Variants in SP140 observed in about 807,000 individuals in gnomAD.
The protein encoded by SP140 is nuclear body protein SP140.
SP140 carries 81 observed loss-of-function variants against 125.0 expected under a neutral mutation model. That is an observed-to-expected ratio of 0.65 (90% CI 0.54 to 0.78). The LOEUF is 0.78. Among genes scored for constraint, SP140 ranks in the 30% least tolerant of loss-of-function variants. The pLI, the probability that SP140 is intolerant of heterozygous loss-of-function variation, is 0.00. For synonymous variants in SP140, 312 were observed against 354.0 expected, an observed-to-expected ratio of 0.88 and a Z score of 1.33; for missense variants, 858 against 1,037.0, an observed-to-expected ratio of 0.83 and a Z score of 2.37.
rs190471933 is a variant in SP140, at chr2:230,285,257, C to T, written c.1565-495C>T. On this transcript the variant is annotated intron_variant, in intron 16 of 26. Coordinates refer to ENST00000392045, the MANE Select transcript of SP140 (RefSeq NM_007237.5). ...GTCTGAGGACTTCCATTCTTCTAGA[C>T]GATGAAGGCTAAGTCTCATTTTCTA... Among the ~76,000 whole-genome samples the T allele has an allele frequency of 4.5e-3, 682 of 152,236 alleles. 9 individuals carry two copies. Among genetic ancestry groups the T allele is most frequent in the African/African-American group, 0.016 (646 of 41,544 alleles).
rs2049378770 is a variant in SP140, at chr2:230,245,929, A to G, written c.731A>G (p.Tyr244Cys). The change falls in exon 7 of 27, where the codon TAT (tyrosine) becomes TGT (cysteine). Residue 244 changes from tyrosine to cysteine, a missense_variant. Physicochemically the swap from Tyr to Cys is radical, Grantham distance 194. Transcript: ENST00000392045. ...ESEEMPKLLP[Y>C]DTEVLESNGM... ...GAAGAAATGCCCAAGTTACTGCCTT[A>G]TGATACAGAAGGTAATTAGGATTTA... The G allele has an allele frequency of 6.3e-7, 1 of 1,588,000 alleles. No homozygotes were observed. Among genetic ancestry groups the G allele is most frequent in the Non-Finnish European group, 8.6e-7 (1 of 1,156,218 alleles).
chr2:230,299,499 G>T (rs2058086521), intron 22 of SP140, among the ~76,000 whole-genome samples: 1 of 152,222 alleles, frequency 6.6e-6, no homozygotes, highest in East Asian at 1.9e-4. Context: ...AGTCCTTGGG[G>T]AGGGCAGCCA....
intron 18 of SP140, among the ~76,000 whole-genome samples, chr2:230,289,664 G>A (rs970215988): frequency 1.3e-5 from 2 of 152,128 alleles, no homozygotes; most frequent in Admixed American, 6.5e-5. Flanking sequence ...TGGTAGAGAT[G>A]GAGTTTCGCC....
the SP140 span, among the ~76,000 whole-genome samples, chr2:230,192,321 A>G: frequency 2.6e-5 from 4 of 152,218 alleles, no homozygotes; most frequent in Non-Finnish European, 4.4e-5. Context: ...AGCGTATTCA[A>G]ATAGGAAGAG....
In SP140 at chr2:230,284,764, T is replaced by C. The variant is rs927854295; in HGVS notation, c.1564+353T>C. On this transcript the variant is annotated intron_variant, in intron 16 of 26. Coordinates refer to ENST00000392045, the MANE Select transcript of SP140 (RefSeq NM_007237.5). The stretch of plus-strand genomic sequence containing the variant: ...ATGTGTGCACAATAGTAAACATACA[T>C]ATATGTATAACCATATTTTATGTGA... Among the ~76,000 whole-genome samples the C allele has an allele frequency of 2.6e-5, 4 of 152,342 alleles. No homozygotes were observed. In the Middle Eastern group the frequency reaches 0.014, roughly 518 times the overall value.
At chr2:230,213,133 A>G in intron 1 of SP140, 1 of 1,092,424 alleles carries the variant, frequency 9.2e-7, no homozygotes, top group South Asian at 1.3e-5. Flanking sequence ...GCATGGAGCT[A>G]TTCATTGTCC....
chr2:230,230,402 A>G (rs1306561158), intron 1 of SP140: 1 of 152,176 alleles, frequency 6.6e-6, no homozygotes, highest in Non-Finnish European at 1.5e-5. Context: ...GAAGTTATCT[A>G]TAGGAGCAAT....
chr2:230,202,418 G>C (rs2043273022), upstream of SP140, among the ~76,000 whole-genome samples: 1 of 152,184 alleles, frequency 6.6e-6, no homozygotes, highest in South Asian at 2.1e-4. Context: ...AGATGCAACA[G>C]ATGCTTGCTC....
At chr2:230,288,509 C>CTTTCTTTCTTTT (rs879630777) in intron 18 of SP140, among the ~76,000 whole-genome samples, 326 of 116,116 alleles carry the variant, frequency 2.8e-3, no homozygotes, top group African/African-American at 9.8e-3. Context: ...TTCTTTCTTT[C>CTTTCTTTCTTTT]TTTCTTTCTT....
intron 3 of SP140, chr2:230,214,216 T>C (rs1010315007): frequency 1.3e-5 from 2 of 152,342 alleles, no homozygotes; most frequent in Non-Finnish European, 2.9e-5. Context: ...TCTCTTTTCT[T>C]TCTCTACGTA....
chr2:230,286,389 C>T (rs1385785723), intron 17 of SP140, among the ~76,000 whole-genome samples: 1 of 152,204 alleles, frequency 6.6e-6, no homozygotes, highest in Non-Finnish European at 1.5e-5. Context: ...TCAGTGTCTT[C>T]TCTTATTCTG....
At chr2:230,281,514 A>T (rs2055546166) in intron 15 of SP140, among the ~76,000 whole-genome samples, 1 of 152,218 alleles carries the variant, frequency 6.6e-6, no homozygotes, top group South Asian at 2.1e-4. Context: ...TCTTATCAAG[A>T]TACAGAACAT....
chr2:230,298,178 A>G (rs971406864), intron 22 of SP140, among the ~76,000 whole-genome samples: 7 of 152,196 alleles, frequency 4.6e-5, no homozygotes, highest in Non-Finnish European at 2.9e-5. Flanking sequence ...TCTGCTTGCT[A>G]TATGACTGCC....
intron 1 of SP140, chr2:230,212,920 G>C: frequency 6.2e-7 from 1 of 1,614,064 alleles, no homozygotes; most frequent in Non-Finnish European, 8.5e-7. Flanking sequence ...GGGGGTTGTG[G>C]TGGGGGCAGC....
intron 1 of SP140, among the ~76,000 whole-genome samples, chr2:230,226,762 C>CAAAAATAAAAAA (rs2046450270): frequency 1.1e-5 from 1 of 94,264 alleles, no homozygotes; most frequent in Non-Finnish European, 2.1e-5. Context: ...AATTCCATCT[C>CAAAAATAAAAAA]AAAAAAAAAA....
chr2:230,235,404 T>C (rs1192251059), intron 1 of SP140, among the ~76,000 whole-genome samples: 2 of 152,218 alleles, frequency 1.3e-5, no homozygotes, highest in East Asian at 3.8e-4. Flanking sequence ...TTTAATTCCT[T>C]TACTGTCATT....
chr2:230,284,278 G>A, intron 15 of SP140, 68 bp from the exon 16 acceptor site: 1 of 1,417,458 alleles, frequency 7.1e-7, no homozygotes, highest in Non-Finnish European at 9.6e-7. Flanking sequence ...TAATACTATT[G>A]GCATATAAAA....
intron 15 of SP140, among the ~76,000 whole-genome samples, chr2:230,276,342 C>T (rs1010652074): frequency 1.1e-4 from 17 of 151,976 alleles, no homozygotes; most frequent in Non-Finnish European, 1.8e-4. Flanking sequence ...ATCCTAGGGC[C>T]CTTAAGAATT....
intron 12 of SP140, among the ~76,000 whole-genome samples, chr2:230,268,501 G>A (rs762499052): frequency 5.9e-4 from 89 of 151,438 alleles, no homozygotes; most frequent in Non-Finnish European, 9.6e-4. Context: ...CTCCAGCCTG[G>A]GCGACAAGAG....
Sources: allele counts gnomAD v4.1 joint callset (sites outside exome capture counted in the v4.1 genomes callset), GRCh38; gene constraint gnomAD v4.1.1; transcripts MANE v1.5; gene names NCBI Gene and HGNC (gene_info 2026-07-23, HGNC 2026-07-21).